Variants in RBM45 observed in about 807,000 individuals in gnomAD.
RBM45 encodes the protein RNA binding motif protein 45.
RBM45 carries 39 observed loss-of-function variants against 58.5 expected under a neutral mutation model. The observed-to-expected ratio is 0.67, with a 90% CI of 0.52 to 0.87. The LOEUF is 0.87. Among genes scored for constraint, RBM45 ranks in the 40% least tolerant of loss-of-function variants. The pLI is 0.00. For synonymous variants in RBM45, 193 were observed against 203.0 expected (o/e 0.95, Z 0.42); for missense variants, 481 against 581.6 (o/e 0.83, Z 1.78).
chr2:178,126,085 TA>T lies in RBM45; in HGVS notation c.1335del (p.His446MetfsTer5). 1.2e-6 allele frequency: 2 copies of T among 1,613,804 alleles called. No individual in the cohort carries two copies. The highest frequency in any genetic ancestry group is 1.7e-6 in the Non-Finnish European group (2 of 1,179,700). On this transcript the variant is annotated frameshift_variant, in exon 9 of 10. Coordinates refer to ENST00000286070, the MANE Select transcript of RBM45 (RefSeq NM_152945.4). LOFTEE classifies it high-confidence loss of function. ...RISANDAIAT[L>X]HGKILNGVRL... ...AGTGCTAATGATGCCATTGCCACTC[TA>T]CATGGAAAGATTCTGAATGGGGTGA...
chr2:178,116,367 C>T lies in RBM45; in HGVS notation c.406C>T (p.Leu136=). Residue 136 remains leucine, a synonymous_variant, in exon 2 of 10, where the codon CTG becomes TTG. Transcript: ENST00000286070. ...MIPKSYTEED[L]REKFKVYGDI... ...ACCAAAGTCCTACACAGAAGAAGAT[C>T]TGCGGGAAAAATTTAAGGTATTTAT... 1.2e-6 allele frequency: 2 copies of T among 1,604,416 alleles called. No individual in the cohort carries two copies. The highest frequency in any genetic ancestry group is 3.3e-4 in the Middle Eastern group (2 of 6,000).
At chr2:178,132,187 A>G (rs954075883), downstream of RBM45, among the ~76,000 whole-genome samples, 11 of 152,228 alleles carry the variant, frequency 7.2e-5, no homozygotes, top group Admixed American at 5.2e-4. Context: ...GAGGTCTTGT[A>G]TGGTAGATTA....
intron 5 of RBM45, among the ~76,000 whole-genome samples, 186 bp from the exon 6 acceptor site, chr2:178,123,335 CT>C (rs1455294467): frequency 5.9e-5 from 9 of 152,094 alleles, no homozygotes; most frequent in Non-Finnish European, 8.8e-5. Context: ...TTATTTCTTC[CT>C]TTTCTAGGAA....
At chr2:178,125,266 C>T (rs1282493837) in intron 8 of RBM45, among the ~76,000 whole-genome samples, 1 of 152,106 alleles carries the variant, frequency 6.6e-6, no homozygotes, top group Non-Finnish European at 1.5e-5. Flanking sequence ...ATTAAATGGA[C>T]AAGACATTAT....
Position 178,116,400 on chromosome 2 carries a change from A to C in RBM45, c.423+16A>C, listed in dbSNP as rs1326037951. ...AAAATTTAAGGTATTTATTCTAATC[A>C]GCTAGCATATGTGATAACTCATAGT... On this transcript the variant is annotated intron_variant, in intron 2 of 9. Transcript: ENST00000286070. 1.3e-6 allele frequency: 2 copies of C among 1,596,840 alleles called. No individual in the cohort carries two copies. The highest frequency in any genetic ancestry group is 3.6e-5 in the Admixed American group (2 of 55,628).
downstream of RBM45, among the ~76,000 whole-genome samples, chr2:178,131,693 T>G (rs532255823): frequency 6.6e-6 from 1 of 152,360 alleles, no homozygotes; most frequent in East Asian, 1.9e-4. Flanking sequence ...GCTTTTTCAG[T>G]ACAACCTGTT....
downstream of RBM45, among the ~76,000 whole-genome samples, chr2:178,132,878 G>A (rs2088015787): frequency 6.6e-6 from 1 of 152,150 alleles, no homozygotes; most frequent in African/African-American, 2.4e-5. Flanking sequence ...GTGAACCACT[G>A]CACCCAGCCA....
intron 3 of RBM45, among the ~76,000 whole-genome samples, chr2:178,118,607 G>A (rs2087808717): frequency 6.6e-6 from 1 of 152,096 alleles, no homozygotes; most frequent in Admixed American, 6.5e-5. Flanking sequence ...AGATTTATAA[G>A]ATGTGCTAAC....
intron 3 of RBM45, among the ~76,000 whole-genome samples, chr2:178,135,363 A>C (rs566030114): frequency 2.0e-5 from 3 of 152,330 alleles, no homozygotes; most frequent in African/African-American, 7.2e-5. Flanking sequence ...AACTCCTACC[A>C]GGATTCATCT....
chr2:178,128,988 A>C lies in RBM45; in HGVS notation c.*9-409A>C, dbSNP rs559168928. The stretch of plus-strand genomic sequence containing the variant: ...AAAAGGCTGCAAACACAGCTCATGA[A>C]GGCTGGTTTCTTTTATCTCTGAGGT... On this transcript the variant is annotated intron_variant, in intron 9 of 9. Coordinates refer to ENST00000286070, the MANE Select transcript of RBM45 (RefSeq NM_152945.4). 2.0e-5 allele frequency among the ~76,000 whole-genome samples: 3 copies of C among 152,256 alleles called. No individual in the cohort carries two copies. In the South Asian group the frequency reaches 6.2e-4, roughly 32 times the overall value.
At chr2:178,112,961 G>A in intron 1 of RBM45, 115 bp downstream of exon 1, 1 of 1,125,716 alleles carries the variant, frequency 8.9e-7, no homozygotes, top group Non-Finnish European at 1.2e-6. Flanking sequence ...CCCGGCAGCT[G>A]ACCAGACAGC....
chr2:178,118,013 T>C, intron 2 of RBM45, 42 bp from the exon 3 acceptor site: 2 of 1,490,930 alleles, frequency 1.3e-6, no homozygotes, highest in Non-Finnish European at 1.8e-6. Context: ...TCTGTTCAAT[T>C]AATTTTAAGT....
chr2:178,128,426 A>G (rs566807522), intron 9 of RBM45, among the ~76,000 whole-genome samples: 2 of 152,330 alleles, frequency 1.3e-5, no homozygotes, highest in South Asian at 4.1e-4. Flanking sequence ...GCTTCAGTGA[A>G]ACCTTTGAGA....
downstream of RBM45, among the ~76,000 whole-genome samples, chr2:178,131,398 T>C (rs1471110571): frequency 1.3e-5 from 2 of 152,238 alleles, no homozygotes; most frequent in African/African-American, 2.4e-5. Context: ...ATCTTCACAA[T>C]TGAGATAAGA....
At chr2:178,114,779 T>G (rs987322446) in intron 1 of RBM45, among the ~76,000 whole-genome samples, 1 of 152,068 alleles carries the variant, frequency 6.6e-6, no homozygotes, top group Non-Finnish European at 1.5e-5. Context: ...TTATTTTTCT[T>G]AGAGACAGGG....
At chr2:178,127,023 A>G (rs1574414896) in intron 9 of RBM45, among the ~76,000 whole-genome samples, 1 of 151,578 alleles carries the variant, frequency 6.6e-6, no homozygotes, top group Admixed American at 6.6e-5. Flanking sequence ...TGCAACCTCC[A>G]CCTCCTGGAT....
At chr2:178,120,220 G>A (rs1386220362) in intron 3 of RBM45, 67 bp from the exon 4 acceptor site, 2 of 1,595,434 alleles carry the variant, frequency 1.3e-6, no homozygotes, top group Non-Finnish European at 8.6e-7. Flanking sequence ...TCAGGCACTA[G>A]CAATCAAGTA....
At chr2:178,120,166 A>C in intron 3 of RBM45, 121 bp from the exon 4 acceptor site, 1 of 1,250,204 alleles carries the variant, frequency 8.0e-7, no homozygotes, top group Non-Finnish European at 1.1e-6. Flanking sequence ...GGAGATGGCC[A>C]TTGTATAGAT....
At chr2:178,121,663 T>C (rs185135121) in intron 5 of RBM45, among the ~76,000 whole-genome samples, 117 of 152,300 alleles carry the variant, frequency 7.7e-4, no homozygotes, top group African/African-American at 2.5e-3. Flanking sequence ...TCCAGTTGCA[T>C]AACAAAAAAT....
Sources: gnomAD v4.1 joint callset for allele counts (sites outside exome capture counted in the v4.1 genomes callset) on GRCh38, gnomAD v4.1.1 for gene constraint, MANE v1.5 for transcripts, NCBI Gene and HGNC (gene_info 2026-07-23, HGNC 2026-07-21) for gene names.